The following GAS2 variants were observed in gnomAD, a reference collection of about 807,000 sequenced individuals.
The protein encoded by GAS2 is growth arrest-specific protein 2.
Under a neutral mutation model 37.5 loss-of-function variants are expected in GAS2, and 20 were observed. The ratio of observed to expected loss-of-function variants is 0.53; its 90% confidence interval spans 0.37 to 0.77. The LOEUF is 0.77. Ranked by LOEUF, GAS2 falls within the 30% of genes least tolerant of loss-of-function variation. The probability of loss-of-function intolerance (pLI) is 0.00; values close to 1 mark genes in which losing one functional copy is unlikely to be tolerated. For synonymous variants in GAS2, 144 were observed against 132.2 expected (o/e 1.09, Z -0.61); for missense variants, 336 against 373.4 (o/e 0.90, Z 0.82).
chr11:22,711,916 C>G (rs1032095139), intron 3 of GAS2, among the ~76,000 whole-genome samples: 19 of 152,244 alleles, frequency 1.2e-4, no homozygotes, highest in African/African-American at 4.3e-4. Flanking sequence ...TTTTTCTTTG[C>G]CCACCTTGGT....
chr11:22,628,540 T>G (rs528371336), intron 1 of GAS2, among the ~76,000 whole-genome samples: 1 of 152,298 alleles, frequency 6.6e-6, no homozygotes, highest in Admixed American at 6.5e-5. Context: ...TTATTTTTAT[T>G]TATTTATTTT....
chr11:22,765,979 G>GT (rs1854671475), intron 7 of GAS2, among the ~76,000 whole-genome samples: 1 of 152,064 alleles, frequency 6.6e-6, no homozygotes, highest in African/African-American at 2.4e-5. Context: ...GGGAGGGGAG[G>GT]TGCCACACAC....
chr11:22,741,325 T>TCC (rs397762427), intron 5 of GAS2, among the ~76,000 whole-genome samples: 1 of 151,048 alleles, frequency 6.6e-6, no homozygotes, highest in African/African-American at 2.4e-5. Context: ...AAAGTAAAAC[T>TCC]GTGTAAAAGC....
chr11:22,720,831 C>A (rs531331853), intron 3 of GAS2, among the ~76,000 whole-genome samples: 27 of 152,086 alleles, frequency 1.8e-4, no homozygotes, highest in African/African-American at 5.8e-4. Context: ...TCAGTTCGCA[C>A]AATGCAAGGG....
At chr11:22,754,706 C>A (rs563207277) in intron 6 of GAS2, among the ~76,000 whole-genome samples, 1 of 152,068 alleles carries the variant, frequency 6.6e-6, no homozygotes, top group African/African-American at 2.4e-5. Context: ...TTTACATTAA[C>A]ATTCAATTGA....
At chr11:22,654,313 C>T (rs1177831125) in intron 1 of GAS2, among the ~76,000 whole-genome samples, 1 of 152,090 alleles carries the variant, frequency 6.6e-6, no homozygotes, top group Non-Finnish European at 1.5e-5. Flanking sequence ...TTTTAAACCC[C>T]TCTAGTTGAA....
At chr11:22,758,008 A>C (rs557855494) in intron 7 of GAS2, among the ~76,000 whole-genome samples, 1 of 152,180 alleles carries the variant, frequency 6.6e-6, no homozygotes, top group Non-Finnish European at 1.5e-5. Context: ...AAAACTAAAC[A>C]TGTCTCCTTG....
chr11:22,738,873 C>T (rs1204553307), intron 5 of GAS2, among the ~76,000 whole-genome samples: 1 of 152,114 alleles, frequency 6.6e-6, no homozygotes, highest in Non-Finnish European at 1.5e-5. Context: ...ATTGGGTGTG[C>T]AAAAGATTGC....
chr11:22,705,698 C>A (rs78824250), intron 3 of GAS2, among the ~76,000 whole-genome samples: 5,362 of 152,264 alleles, frequency 0.035, 297 homozygotes, highest in African/African-American at 0.12. Flanking sequence ...GAACACCTAA[C>A]ATATACAGGG....
chr11:22,766,255 T>TC (rs1554905528), intron 7 of GAS2, among the ~76,000 whole-genome samples: 14 of 151,952 alleles, frequency 9.2e-5, no homozygotes, highest in Admixed American at 2.6e-4. Flanking sequence ...TTTTTTTTTT[T>TC]CAACCCTCAC....
intron 7 of GAS2, among the ~76,000 whole-genome samples, chr11:22,798,375 CATT>C (rs1311735340): frequency 1.3e-5 from 2 of 152,040 alleles, no homozygotes; most frequent in East Asian, 3.9e-4. Context: ...TTACTATAGT[CATT>C]ATTTTGCAGA....
chr11:22,708,813 G>T (rs932010671), intron 3 of GAS2, among the ~76,000 whole-genome samples: 4 of 152,162 alleles, frequency 2.6e-5, no homozygotes, highest in Non-Finnish European at 5.9e-5. Flanking sequence ...GAAGGAACTT[G>T]ATAGCAGGAG....
chr11:22,681,536 G>T (rs906874076), intron 2 of GAS2, among the ~76,000 whole-genome samples: 1 of 152,036 alleles, frequency 6.6e-6, no homozygotes, highest in Non-Finnish European at 1.5e-5. Context: ...CACCGGTCAG[G>T]ACTTTAACAT....
intron 7 of GAS2, among the ~76,000 whole-genome samples, chr11:22,792,412 A>G (rs960871929): frequency 1.3e-5 from 2 of 152,248 alleles, no homozygotes; most frequent in African/African-American, 4.8e-5. Flanking sequence ...CATGAGAAAA[A>G]TTATAGAAAT....
At chr11:22,699,291 C>G (rs972979231) in intron 3 of GAS2, among the ~76,000 whole-genome samples, 1 of 152,074 alleles carries the variant, frequency 6.6e-6, no homozygotes, top group Non-Finnish European at 1.5e-5. Context: ...TTACTGTACC[C>G]CTTCCTTCAA....
At position 22,640,615 on chromosome 11, in the gene GAS2, A is replaced by G. The variant is rs79653991; in HGVS notation, c.-21+14802A>G. Among the ~76,000 whole-genome samples, 575 of 152,322 alleles carry G rather than the reference A, an allele frequency of 3.8e-3. 16 individuals carry two copies. In the East Asian group the frequency reaches 0.077, roughly 20 times the overall value. On this transcript the variant is annotated intron_variant, in intron 1 of 5. Transcript: ENST00000528582. The stretch of plus-strand genomic sequence containing the variant: ...CTGACCATTTCAAACATAAAAGCCA[A>G]TGTAAAAAAATTACATTCATGAAGC...
Position 22,757,841 on chromosome 11 carries a change from G to T in GAS2, c.723+1888G>T, listed in dbSNP as rs141670026. ...ATACCTATCCTTTGGCTTGTCATAA[G>T]TTCATTTCCACCCTGAAGGAGTAAT... On this transcript the variant is annotated intron_variant, in intron 7 of 7. Transcript: ENST00000454584. Among the ~76,000 whole-genome samples the T allele has an allele frequency of 5.6e-3, 856 of 152,162 alleles. 14 individuals carry two copies. The highest frequency in any genetic ancestry group is 0.019 in the African/African-American group (775 of 41,554).
chr11:22,724,011 C>T (rs11026751), intron 3 of GAS2, among the ~76,000 whole-genome samples: 19,897 of 151,772 alleles, frequency 0.13, 1,601 homozygotes, highest in East Asian at 0.2. Flanking sequence ...TTCCCTTCCT[C>T]AAGGGCAATT....
At chr11:22,773,437 A>C (rs1590114679) in intron 7 of GAS2, among the ~76,000 whole-genome samples, 1 of 116,278 alleles carries the variant, frequency 8.6e-6, no homozygotes, top group East Asian at 2.5e-4. Flanking sequence ...TCTGTTGCCC[A>C]GTCTTGAGTG....
Sources: allele counts gnomAD v4.1 joint callset (sites outside exome capture counted in the v4.1 genomes callset), GRCh38; gene constraint gnomAD v4.1.1; transcripts MANE v1.5; gene names NCBI Gene and HGNC (gene_info 2026-07-23, HGNC 2026-07-21).